NXPH1: variants seen among roughly 807,000 people sequenced by gnomAD.
NXPH1 encodes neurexophilin 1, also known as neurexophilin-1.
NXPH1 carries 5 observed loss-of-function variants against 23.7 expected under a neutral mutation model. That is an observed-to-expected ratio of 0.21 (90% confidence interval 0.11 to 0.44). The LOEUF (loss-of-function observed/expected upper bound fraction) is 0.44, where lower values mean the gene tolerates loss of function less well. Ranked by LOEUF, NXPH1 falls within the 20% of genes least tolerant of loss-of-function variation. The pLI is 0.99. For synonymous variants in NXPH1, 144 were observed against 122.2 expected, an observed-to-expected ratio of 1.18 and a Z score of -1.18; for missense variants, 324 against 321.6, an observed-to-expected ratio of 1.01 and a Z score of -0.06.
intron 2 of NXPH1, among the ~76,000 whole-genome samples, chr7:8,537,059 T>C (rs1325844569): frequency 6.6e-6 from 1 of 152,012 alleles, no homozygotes; most frequent in Non-Finnish European, 1.5e-5. Flanking sequence ...TGTTTGGAAA[T>C]AATTTTTAAA....
intron 2 of NXPH1, among the ~76,000 whole-genome samples, chr7:8,534,768 A>G (rs1818002622): frequency 6.6e-6 from 1 of 152,068 alleles, no homozygotes; most frequent in Non-Finnish European, 1.5e-5. Context: ...GGTAGGCATT[A>G]TCACCCCTGA....
At chr7:8,573,445 G>A (rs928231085) in intron 2 of NXPH1, among the ~76,000 whole-genome samples, 8 of 152,206 alleles carry the variant, frequency 5.3e-5, no homozygotes, top group Middle Eastern at 3.4e-3. Context: ...ATTTAGACTT[G>A]AAGAGTCAAC....
chr7:8,547,859 G>GGT (rs1194494498), intron 2 of NXPH1, among the ~76,000 whole-genome samples: 1 of 151,344 alleles, frequency 6.6e-6, no homozygotes, highest in African/African-American at 2.4e-5. Context: ...AGTACTTAAT[G>GGT]GTATATATAT....
chr7:8,715,934 T>C (rs752968815), intron 2 of NXPH1, among the ~76,000 whole-genome samples: 3 of 150,550 alleles, frequency 2.0e-5, no homozygotes, highest in Non-Finnish European at 2.9e-5. Flanking sequence ...TATTTACATA[T>C]ACATATATAT....
At chr7:8,712,169 C>G (rs958442085) in intron 2 of NXPH1, among the ~76,000 whole-genome samples, 1 of 152,152 alleles carries the variant, frequency 6.6e-6, no homozygotes. Context: ...ATGTTTAGAT[C>G]AAAAACGAAC....
intron 2 of NXPH1, among the ~76,000 whole-genome samples, chr7:8,483,021 G>A (rs1454197504): frequency 6.6e-6 from 1 of 152,186 alleles, no homozygotes; most frequent in Non-Finnish European, 1.5e-5. Context: ...GGATTCCTTT[G>A]CAAGCAGCCT....
In NXPH1 at chr7:8,435,759, G is replaced by T. The variant is rs774624131; in HGVS notation, c.46G>T (p.Val16Phe). Residue 16 changes from valine (V) to phenylalanine (F), a missense_variant, in exon 2 of 3, where the codon GTC (valine) becomes TTC (phenylalanine). By Grantham distance (50) the Val-to-Phe change is conservative. Coordinates refer to ENST00000405863, the MANE Select transcript of NXPH1 (RefSeq NM_152745.3). The surrounding 1 kb of genome is among the most constrained non-coding windows in gnomAD (Gnocchi z 5.9). ...CGTGCTTTTCCTCCTGCAGCCCACCGTCTACTTGGTAAGTCTTGGAAGGTT... is the reference window on the plus strand; with the variant it reads ...CGTGCTTTTCCTCCTGCAGCCCACCTTCTACTTGGTAAGTCTTGGAAGGTT... The part of the protein sequence containing the change: ...WYVLFLLQPT[V>F]YLVTCANLTN... 1 of 1,613,774 alleles carries T rather than the reference G, an allele frequency of 6.2e-7. No individual in the cohort carries two copies. Among genetic ancestry groups the T allele is most frequent in the African/African-American group, 1.3e-5 (1 of 74,906 alleles).
At chr7:8,615,783 A>G (rs969106744) in intron 2 of NXPH1, among the ~76,000 whole-genome samples, 17 of 152,220 alleles carry the variant, frequency 1.1e-4, no homozygotes, top group Middle Eastern at 3.4e-3. Flanking sequence ...GATGTTAATC[A>G]GGTAATCACA....
chr7:8,621,071 A>G (rs1015436278), intron 2 of NXPH1, among the ~76,000 whole-genome samples: 1 of 152,218 alleles, frequency 6.6e-6, no homozygotes, highest in Admixed American at 6.5e-5. Context: ...GCTGTCAAAA[A>G]ATTTATAATT....
intron 2 of NXPH1, among the ~76,000 whole-genome samples, chr7:8,594,811 C>A (rs528605093): frequency 2.6e-5 from 4 of 152,106 alleles, no homozygotes; most frequent in African/African-American, 9.6e-5. Context: ...TTCCAATTGG[C>A]ATTTTCAAAT....
chr7:8,732,022 G>T (rs568273058), intron 2 of NXPH1, among the ~76,000 whole-genome samples: 35 of 152,370 alleles, frequency 2.3e-4, no homozygotes, highest in East Asian at 1.2e-3. Flanking sequence ...CTCCGAGCCA[G>T]GTGCGGGATA....
intron 2 of NXPH1, among the ~76,000 whole-genome samples, chr7:8,665,721 C>A (rs1388366521): frequency 6.6e-6 from 1 of 151,774 alleles, no homozygotes; most frequent in Non-Finnish European, 1.5e-5. Flanking sequence ...GTGCACAGAT[C>A]TTTTACCTTC....
intron 2 of NXPH1, among the ~76,000 whole-genome samples, chr7:8,714,645 A>C (rs935104915): frequency 6.6e-6 from 1 of 152,096 alleles, no homozygotes; most frequent in Non-Finnish European, 1.5e-5. Flanking sequence ...AGGGCCCTTT[A>C]TTCAGCAGAG....
chr7:8,609,427 C>G (rs544958917), intron 2 of NXPH1, among the ~76,000 whole-genome samples: 2 of 152,210 alleles, frequency 1.3e-5, no homozygotes, highest in African/African-American at 2.4e-5. Flanking sequence ...CAAGACTTAG[C>G]TAATTCATGA....
At chr7:8,485,142 C>T (rs962824973) in intron 2 of NXPH1, among the ~76,000 whole-genome samples, 3 of 152,124 alleles carry the variant, frequency 2.0e-5, no homozygotes, top group South Asian at 2.1e-4. Context: ...ATCACGTGGG[C>T]AGGCTTTTCC....
chr7:8,639,821 C>T (rs927197129), intron 2 of NXPH1, among the ~76,000 whole-genome samples: 1 of 152,132 alleles, frequency 6.6e-6, no homozygotes, highest in Non-Finnish European at 1.5e-5. Context: ...TTTTCTTTTG[C>T]CCCGGCCATG....
At chr7:8,525,436 G>A (rs779628705) in intron 2 of NXPH1, among the ~76,000 whole-genome samples, 7 of 152,194 alleles carry the variant, frequency 4.6e-5, no homozygotes, top group Admixed American at 2.6e-4. Context: ...ATTTTATGAG[G>A]AGAAATTCAA....
chr7:8,695,749 A>G (rs1821299135), intron 2 of NXPH1, among the ~76,000 whole-genome samples: 1 of 152,216 alleles, frequency 6.6e-6, no homozygotes, highest in Non-Finnish European at 1.5e-5. Context: ...TTTTATAAAG[A>G]AAAAATAGCC....
intron 2 of NXPH1, among the ~76,000 whole-genome samples, chr7:8,696,690 TAG>T (rs1433738312): frequency 1.3e-5 from 2 of 151,968 alleles, no homozygotes; most frequent in East Asian, 3.9e-4. Flanking sequence ...GCAAGTTGTA[TAG>T]AGAGAGTAGA....
Sources: allele counts gnomAD v4.1 joint callset (sites outside exome capture counted in the v4.1 genomes callset), GRCh38; gene constraint gnomAD v4.1.1; non-coding constraint Gnocchi (gnomAD v3.1); transcripts MANE v1.5; gene names NCBI Gene and HGNC (gene_info 2026-07-23, HGNC 2026-07-21).